CNTNAP2: variants seen among roughly 807,000 people sequenced by gnomAD.
CNTNAP2 encodes contactin associated protein 2.
CNTNAP2 carries 98 observed loss-of-function variants against 155.2 expected under a neutral mutation model. That is an observed-to-expected ratio of 0.63 (90% CI 0.54 to 0.75). The LOEUF (loss-of-function observed/expected upper bound fraction) is 0.75. CNTNAP2 is among the 30% of genes least tolerant of loss of function. CNTNAP2 has a pLI of 0.00. For missense variants in CNTNAP2, 1,727 were observed against 1,688.1 expected, an observed-to-expected ratio of 1.02 and a Z score of -0.40; for synonymous variants, 651 against 631.2, an observed-to-expected ratio of 1.03 and a Z score of -0.47.
intron 1 of CNTNAP2, among the ~76,000 whole-genome samples, chr7:146,477,530 G>T (rs991161039): frequency 6.6e-6 from 1 of 151,164 alleles, no homozygotes; most frequent in Admixed American, 6.6e-5. Context: ...AGTTGTACTG[G>T]ATTAATCTCA....
intron 4 of CNTNAP2, among the ~76,000 whole-genome samples, chr7:147,056,716 A>G (rs1799568235): frequency 6.6e-6 from 1 of 152,162 alleles, no homozygotes; most frequent in Non-Finnish European, 1.5e-5. Context: ...TGAGTAATAC[A>G]GTGGGGCAAA....
intron 1 of CNTNAP2, among the ~76,000 whole-genome samples, chr7:146,169,110 C>T (rs1262796459): frequency 1.3e-5 from 2 of 152,204 alleles, no homozygotes; most frequent in African/African-American, 4.8e-5. Flanking sequence ...TCAATTATCA[C>T]TTTCTACGCT....
At chr7:146,185,158 A>G (rs928956341) in intron 1 of CNTNAP2, among the ~76,000 whole-genome samples, 2 of 152,176 alleles carry the variant, frequency 1.3e-5, no homozygotes, top group Non-Finnish European at 2.9e-5. Context: ...TAGTCTAAAC[A>G]TAACACATTT....
At chr7:148,305,759 C>T (rs1797480611) in intron 21 of CNTNAP2, among the ~76,000 whole-genome samples, 1 of 152,174 alleles carries the variant, frequency 6.6e-6, no homozygotes. Context: ...GAAATCCGCC[C>T]CCATGATCCA....
intron 18 of CNTNAP2, among the ~76,000 whole-genome samples, chr7:148,210,201 C>T (rs993354265): frequency 5.3e-5 from 8 of 152,166 alleles, no homozygotes; most frequent in African/African-American, 1.9e-4. Context: ...GGTCAAAAAG[C>T]GAGTTGGTGG....
At chr7:147,283,822 T>C (rs1316859353) in intron 8 of CNTNAP2, among the ~76,000 whole-genome samples, 2 of 151,854 alleles carry the variant, frequency 1.3e-5, no homozygotes, top group African/African-American at 2.4e-5. Flanking sequence ...GGCTATGAAT[T>C]CCCTTTCAGA....
At chr7:148,098,825 A>C (rs1804029519) in intron 15 of CNTNAP2, among the ~76,000 whole-genome samples, 1 of 152,186 alleles carries the variant, frequency 6.6e-6, no homozygotes, top group African/African-American at 2.4e-5. Context: ...AGGCTTTCTG[A>C]ATCTTACAGA....
rs376404930 is a variant in CNTNAP2, at chr7:148,206,657, T to C, written c.3011-10631T>C. Among the ~76,000 whole-genome samples the C allele has an allele frequency of 9.2e-5, 14 of 152,286 alleles. No individual in the cohort carries two copies. The East Asian group carries it at 1.9e-3, about 21-fold the overall frequency. Reference sequence around the variant, plus strand: ...AGACTAATCTGAGAAAATGCTGAAATATGCCAATAGGCAGGCCTCTCCCCA... The same window carrying C: ...AGACTAATCTGAGAAAATGCTGAAACATGCCAATAGGCAGGCCTCTCCCCA... On this transcript the variant is annotated intron_variant, in intron 18 of 23. Transcript: ENST00000361727.
chr7:147,511,015 A>G (rs1474292810), intron 11 of CNTNAP2, among the ~76,000 whole-genome samples: 14 of 151,258 alleles, frequency 9.3e-5, no homozygotes, highest in African/African-American at 3.2e-4. Context: ...TTATTTGATG[A>G]TCTCATGAGT....
intron 16 of CNTNAP2, among the ~76,000 whole-genome samples, chr7:148,143,640 C>T (rs1326791418): frequency 6.6e-6 from 1 of 152,152 alleles, no homozygotes; most frequent in Non-Finnish European, 1.5e-5. Flanking sequence ...GATCACACTG[C>T]CACACTGCAG....
At position 147,248,213 on chromosome 7, in the gene CNTNAP2, T is replaced by C. The variant is rs1173062638; in HGVS notation, c.1349-51928T>C. Among the ~76,000 whole-genome samples, 7 of 152,232 alleles carry C rather than the reference T, an allele frequency of 4.6e-5. No individual in the cohort carries two copies. In the East Asian group the frequency reaches 1.3e-3, roughly 29 times the overall value. ...CTGAAACACATTTAAAATAGTTGTT[T>C]ATTTACAAAATTTGGCACAGGTCCC... On this transcript the variant is annotated intron_variant, in intron 8 of 23. Transcript: ENST00000361727.
chr7:147,479,733 C>CT (rs11382857), intron 10 of CNTNAP2, among the ~76,000 whole-genome samples: 45,444 of 150,234 alleles, frequency 0.3, 7,451 homozygotes, highest in Non-Finnish European at 0.37. Flanking sequence ...AATATGCTTG[C>CT]TTTTTTTTTA....
At chr7:147,643,632 C>T (rs1191597550) in intron 13 of CNTNAP2, among the ~76,000 whole-genome samples, 2 of 152,034 alleles carry the variant, frequency 1.3e-5, no homozygotes, top group Admixed American at 1.3e-4. Context: ...ATTAGAACTT[C>T]TGTAGTAGTA....
chr7:146,527,732 A>G (rs1797711366), intron 1 of CNTNAP2, among the ~76,000 whole-genome samples: 1 of 152,028 alleles, frequency 6.6e-6, no homozygotes, highest in Admixed American at 6.6e-5. Context: ...GTTAATATTA[A>G]ATCATAAAAA....
intron 8 of CNTNAP2, among the ~76,000 whole-genome samples, chr7:147,160,285 T>A (rs2116452514): frequency 6.6e-6 from 1 of 152,246 alleles, no homozygotes; most frequent in South Asian, 2.1e-4. Context: ...CCAGGCCATT[T>A]ATTTCATTTA....
intron 7 of CNTNAP2, 112 bp downstream of exon 7, chr7:147,128,948 T>C (rs1801295727): frequency 7.2e-7 from 1 of 1,397,394 alleles, no homozygotes; most frequent in Admixed American, 1.7e-5. Flanking sequence ...TATTTGTGTT[T>C]GGGCAAAATG....
At chr7:147,368,026 CCT>C (rs1796269729) in intron 9 of CNTNAP2, among the ~76,000 whole-genome samples, 10 of 121,594 alleles carry the variant, frequency 8.2e-5, no homozygotes, top group South Asian at 6.3e-4. Flanking sequence ...CCCCCCTCCC[CCT>C]CCTCCTCTGT....
In CNTNAP2 at chr7:147,489,862, G is replaced by A. The variant is rs779640997; in HGVS notation, c.1777+3821G>A. On this transcript the variant is annotated intron_variant, in intron 11 of 23. Coordinates refer to ENST00000361727, the MANE Select transcript of CNTNAP2 (RefSeq NM_014141.6). ...GATCTCCTGACCTCATGATCTGCCC[G>A]CCTTGGCCTCCCAAAGTGCTGGGAT... Among the ~76,000 whole-genome samples the A allele has an allele frequency of 5.3e-5, 8 of 152,102 alleles. No homozygotes were observed. In the South Asian group the frequency reaches 6.2e-4, roughly 12 times the overall value.
intron 2 of CNTNAP2, among the ~76,000 whole-genome samples, chr7:146,812,739 T>G (rs1803091348): frequency 6.6e-6 from 1 of 151,950 alleles, no homozygotes; most frequent in Admixed American, 6.6e-5. Context: ...ATGGGGAAAA[T>G]ATATCTAGAA....
Sources: gnomAD v4.1 joint callset for allele counts (sites outside exome capture counted in the v4.1 genomes callset) on GRCh38, gnomAD v4.1.1 for gene constraint, MANE v1.5 for transcripts, NCBI Gene and HGNC (gene_info 2026-07-23, HGNC 2026-07-21) for gene names.